PSPC1: variants seen among roughly 807,000 people sequenced by gnomAD.
PSPC1 encodes the protein paraspeckle protein 1.
Under a neutral mutation model 51.6 loss-of-function variants are expected in PSPC1, and 14 were observed. That is an observed-to-expected ratio of 0.27 (90% CI 0.18 to 0.42). PSPC1 has a LOEUF of 0.42. Among genes scored for constraint, PSPC1 ranks in the 10% least tolerant of loss-of-function variants. The probability of loss-of-function intolerance (pLI) is 1.00; values close to 1 mark genes in which losing one functional copy is unlikely to be tolerated. For synonymous variants in PSPC1, 193 were observed against 231.9 expected, an observed-to-expected ratio of 0.83 and a Z score of 1.53; for missense variants, 406 against 701.1, an observed-to-expected ratio of 0.58 and a Z score of 4.75.
chr13:19,739,862 T>TAAAA (rs1005642453), intron 5 of PSPC1, among the ~76,000 whole-genome samples: 3 of 129,370 alleles, frequency 2.3e-5, no homozygotes, highest in African/African-American at 5.7e-5. Flanking sequence ...GAGAGTTGTT[T>TAAAA]AAAAAAAAAA....
chr13:19,711,100 C>A (rs148210137), intron 6 of PSPC1, among the ~76,000 whole-genome samples: 1,729 of 152,264 alleles, frequency 0.011, 33 homozygotes, highest in African/African-American at 0.038. Context: ...CTCACGCTCG[C>A]AATGTGCTGG....
chr13:19,720,602 T>C (rs11620039), intron 6 of PSPC1, among the ~76,000 whole-genome samples: 16,366 of 152,212 alleles, frequency 0.11, 1,019 homozygotes, highest in Middle Eastern at 0.14. Context: ...TTTTACACAT[T>C]TAAGTGGTAC....
intron 2 of PSPC1, among the ~76,000 whole-genome samples, chr13:19,759,712 A>T (rs147767755): frequency 0.012 from 1,785 of 152,126 alleles, 36 homozygotes; most frequent in African/African-American, 0.039. Context: ...AATACAAAAA[A>T]TTAGCCGGGC....
At chr13:19,677,555 T>C (rs1319801490) in intron 7 of PSPC1, among the ~76,000 whole-genome samples, 3 of 152,200 alleles carry the variant, frequency 2.0e-5, no homozygotes, top group Admixed American at 1.3e-4. Context: ...AGGCTTCAGC[T>C]TCACCTATAA....
intron 6 of PSPC1, among the ~76,000 whole-genome samples, chr13:19,697,199 A>G (rs1879361147): frequency 6.6e-6 from 1 of 152,140 alleles, no homozygotes; most frequent in Non-Finnish European, 1.5e-5. Context: ...ATCACATAGG[A>G]ACTTACTAGA....
chr13:19,724,935 G>A (rs1006560701), intron 6 of PSPC1, among the ~76,000 whole-genome samples: 3 of 152,116 alleles, frequency 2.0e-5, no homozygotes, highest in Admixed American at 6.5e-5. Flanking sequence ...GGAGGCGGGG[G>A]TTGGAGTGGG....
chr13:19,734,493 G>A (rs1396622644), intron 5 of PSPC1, among the ~76,000 whole-genome samples: 2 of 152,124 alleles, frequency 1.3e-5, no homozygotes, highest in African/African-American at 4.8e-5. Flanking sequence ...ATAATAATTC[G>A]CTAAATGACT....
intron 4 of PSPC1, among the ~76,000 whole-genome samples, chr13:19,741,910 T>C (rs2138042139): frequency 6.6e-6 from 1 of 152,066 alleles, no homozygotes; most frequent in Admixed American, 6.5e-5. Flanking sequence ...GGCAGGCGTA[T>C]CACTCGAGGC....
chr13:19,765,905 T>C (rs929824746), intron 2 of PSPC1, among the ~76,000 whole-genome samples: 56 of 152,208 alleles, frequency 3.7e-4, no homozygotes, highest in African/African-American at 1.3e-3. Context: ...TATAATGTTT[T>C]TCTTAAAGAA....
chr13:19,724,343 TTC>T (rs1260599093), intron 6 of PSPC1, among the ~76,000 whole-genome samples: 1 of 152,184 alleles, frequency 6.6e-6, no homozygotes, highest in Non-Finnish European at 1.5e-5. Flanking sequence ...CAGATAGAGT[TTC>T]TGTTTTTCAG....
At chr13:19,743,244 T>C (rs1210213959) in intron 4 of PSPC1, among the ~76,000 whole-genome samples, 2 of 152,218 alleles carry the variant, frequency 1.3e-5, no homozygotes, top group African/African-American at 4.8e-5. Flanking sequence ...CTGGTTGCTT[T>C]TATTTTCCTT....
At chr13:19,739,649 A>G (rs1885213055) in intron 5 of PSPC1, among the ~76,000 whole-genome samples, 1 of 152,098 alleles carries the variant, frequency 6.6e-6, no homozygotes, top group Admixed American at 6.6e-5. Flanking sequence ...AAGCTGAGGC[A>G]GGAGAATCAC....
At chr13:19,713,545 C>CAAAAAAA (rs61024238) in intron 6 of PSPC1, among the ~76,000 whole-genome samples, 15 of 87,182 alleles carry the variant, frequency 1.7e-4, no homozygotes, top group East Asian at 3.6e-4. Context: ...CCCAGACAGC[C>CAAAAAAA]AAAAAAAAAA....
intron 4 of PSPC1, among the ~76,000 whole-genome samples, chr13:19,745,371 T>C (rs925826986): frequency 7.2e-5 from 11 of 152,234 alleles, no homozygotes; most frequent in African/African-American, 2.6e-4. Context: ...TAAAATTACA[T>C]GAAATTATAT....
At chr13:19,727,030 T>C (rs983510682) in intron 6 of PSPC1, among the ~76,000 whole-genome samples, 2 of 152,214 alleles carry the variant, frequency 1.3e-5, no homozygotes, top group African/African-American at 4.8e-5. Context: ...GCAGGAAACC[T>C]GAAAAGGGTA....
chr13:19,677,035 C>A (rs986496199), intron 7 of PSPC1, among the ~76,000 whole-genome samples: 2 of 152,020 alleles, frequency 1.3e-5, no homozygotes, highest in Non-Finnish European at 2.9e-5. Flanking sequence ...GAGATCGAGA[C>A]CATCCTGGCT....
intron 4 of PSPC1, among the ~76,000 whole-genome samples, chr13:19,750,982 A>G (rs771798874): frequency 6.6e-6 from 1 of 151,990 alleles, no homozygotes; most frequent in Non-Finnish European, 1.5e-5. Context: ...TTGGTCAGGC[A>G]GGTCTCGAAC....
downstream of PSPC1, chr13:19,671,734 C>T (rs1043806834): frequency 9.4e-7 from 1 of 1,060,416 alleles, no homozygotes; most frequent in Non-Finnish European, 1.4e-6. Context: ...GAAAATATTG[C>T]CAAATAATAG....
rs2138419279 is a variant in PSPC1, at chr13:19,782,147, C to A, written c.372+239G>T. ...TGCAGCCACCGCAAAGCACGATCGG[C>A]GCACGGCAGAAAACGGCGGCCACTG... On this transcript the variant is annotated intron_variant, in intron 1 of 8. Coordinates refer to ENST00000338910, the MANE Select transcript of PSPC1 (RefSeq NM_001354909.2). This position sits in a 1 kb window ranked among gnomAD's most constrained non-coding sequence, Gnocchi z 4.5. Among the ~76,000 whole-genome samples, 1 of 152,360 alleles carries A rather than the reference C, an allele frequency of 6.6e-6. No individual in the cohort carries two copies. Among genetic ancestry groups the A allele is most frequent in the African/African-American group, 2.4e-5 (1 of 41,590 alleles).
Sources: gnomAD v4.1 joint callset for allele counts (sites outside exome capture counted in the v4.1 genomes callset) on GRCh38, gnomAD v4.1.1 for gene constraint, Gnocchi (gnomAD v3.1) non-coding constraint, MANE v1.5 for transcripts, NCBI Gene and HGNC (gene_info 2026-07-23, HGNC 2026-07-21) for gene names.